Variants in SS18L1 observed in about 807,000 individuals in gnomAD.
SS18L1 encodes the protein calcium-responsive transactivator.
A neutral mutation model predicts 70.3 loss-of-function variants in SS18L1; 32 were observed. The observed-to-expected ratio is 0.46, with a 90% confidence interval of 0.34 to 0.61. SS18L1 has a LOEUF of 0.61. Ranked by LOEUF, SS18L1 falls within the 20% of genes least tolerant of loss-of-function variation. The probability of loss-of-function intolerance (pLI) is 0.01; values close to 1 mark genes in which losing one functional copy is unlikely to be tolerated. For missense variants in SS18L1, 430 were observed against 542.1 expected, an observed-to-expected ratio of 0.79 and a Z score of 2.05; for synonymous variants, 237 against 229.7, an observed-to-expected ratio of 1.03 and a Z score of -0.29.
intron 10 of SS18L1, among the ~76,000 whole-genome samples, chr20:62,176,904 C>T (rs2057629027): frequency 6.6e-6 from 1 of 152,248 alleles, no homozygotes; most frequent in South Asian, 2.1e-4. Flanking sequence ...CTTTAGTCAG[C>T]ATCCAGTGTA....
chr20:62,156,962 G>T (rs1239662885), intron 1 of SS18L1, among the ~76,000 whole-genome samples: 1 of 152,208 alleles, frequency 6.6e-6, no homozygotes, highest in Non-Finnish European at 1.5e-5. Flanking sequence ...AGGCGTGGTG[G>T]GCTCAGTTCT....
At chr20:62,167,418 G>A (rs149423630) in intron 8 of SS18L1, among the ~76,000 whole-genome samples, 7,725 of 150,120 alleles carry the variant, frequency 0.051, 643 homozygotes, top group African/African-American at 0.18. Context: ...AAAAAATGCC[G>A]GGCGTGGTGG....
chr20:62,163,440 C>G lies in SS18L1; in HGVS notation c.557-18C>G. On this transcript the variant is annotated intron_variant, in intron 5 of 10. Transcript: ENST00000331758. The stretch of plus-strand genomic sequence containing the variant: ...GAGGCTTCCCGGGGTGATGTGGGGC[C>G]TCTGTCCTGTCGTTCAGTCTCCATG... 6.2e-7 allele frequency: 1 copy of G among 1,611,642 alleles called. No individual in the cohort carries two copies.
chr20:62,173,754 G>A (rs896563587), intron 9 of SS18L1, among the ~76,000 whole-genome samples: 2 of 152,118 alleles, frequency 1.3e-5, no homozygotes, highest in African/African-American at 4.8e-5. Context: ...GGTGGCTCAT[G>A]TCTATAATCC....
chr20:62,157,159 C>T (rs962664801), intron 1 of SS18L1, among the ~76,000 whole-genome samples: 8 of 152,146 alleles, frequency 5.3e-5, no homozygotes, highest in Non-Finnish European at 1.0e-4. Context: ...CTGTGGGCGT[C>T]CTGTGTGGTG....
At chr20:62,160,059 G>A in intron 3 of SS18L1, 98 bp downstream of exon 3, 1 of 1,312,074 alleles carries the variant, frequency 7.6e-7, no homozygotes, top group Non-Finnish European at 1.0e-6. Context: ...TAGCAAAGAT[G>A]ACTCAGAGAA....
Position 62,161,419 on chromosome 20 carries a change from C to T in SS18L1, c.232-17C>T. 2 of 1,612,840 alleles carry T rather than the reference C, an allele frequency of 1.2e-6. No individual in the cohort carries two copies. The highest frequency in any genetic ancestry group is 1.7e-6 in the Non-Finnish European group (2 of 1,180,004). On this transcript the variant is annotated splice_polypyrimidine_tract_variant and intron_variant, in intron 3 of 10. Coordinates refer to ENST00000331758, the MANE Select transcript of SS18L1 (RefSeq NM_198935.3). The surrounding 1 kb of genome is among the most constrained non-coding windows in gnomAD (Gnocchi z 4.4). ...TAAATTAACCGTTTTTCCCTGAAAA[C>T]TTCCTGTTGCCTGCAGCCGCCCACG...
Position 62,174,594 on chromosome 20 carries a change from C to G in SS18L1, c.1114C>G (p.Pro372Ala). Residue 372 changes from proline (P) to alanine (A), a missense_variant, in exon 10 of 11, where the codon CCG becomes GCG. Physicochemically the swap from Pro to Ala is conservative, Grantham distance 27. Transcript: ENST00000331758. This position sits in a 1 kb window ranked among gnomAD's most constrained non-coding sequence, Gnocchi z 4.1. ...QGQQYGSYRA[P>A]QTAPSAQQQR... ...CCAGCAGTACGGAAGCTACCGAGCA[C>G]CGCAGACAGCGCCGTCTGCCCAGCA... 1 of 1,613,788 alleles carries G rather than the reference C, an allele frequency of 6.2e-7. No homozygotes were observed.
chr20:62,162,774 G>A lies in SS18L1; in HGVS notation c.399G>A (p.Gln133=). 1.2e-6 allele frequency: 2 copies of A among 1,611,306 alleles called. No homozygotes were observed. The highest frequency in any genetic ancestry group is 1.7e-6 in the Non-Finnish European group (2 of 1,178,800). The change falls in exon 5 of 11, where the codon CAG becomes CAA. Residue 133 remains glutamine, a synonymous_variant. Transcript: ENST00000331758. ...IGNGPSHVSM[Q]QTAPNTLPTT... ...CAGGGCCGAGCCACGTGTCCATGCA[G>A]CAGACGGCGCCTAACACGCTGCCCA... is the stretch of plus-strand genomic sequence containing the variant.
chr20:62,174,059 A>T lies in SS18L1; in HGVS notation c.1037-458A>T, dbSNP rs1246872863. Among the ~76,000 whole-genome samples the T allele has an allele frequency of 6.6e-6, 1 of 151,278 alleles. No homozygotes were observed. The highest frequency in any genetic ancestry group is 1.5e-5 in the Non-Finnish European group (1 of 67,924). Reference sequence around the variant, plus strand: ...ATTGGCCTCTATCAGTTCTTGCCGGAGCCTTTGACTTAGCCTTCCTAGAGA... The same window carrying T: ...ATTGGCCTCTATCAGTTCTTGCCGGTGCCTTTGACTTAGCCTTCCTAGAGA... On this transcript the variant is annotated intron_variant, in intron 9 of 10. Transcript: ENST00000331758. This position sits in a 1 kb window ranked among gnomAD's most constrained non-coding sequence, Gnocchi z 4.1.
At position 62,182,482 on chromosome 20, in the gene SS18L1, A is replaced by C. The variant is rs2145809641; in HGVS notation, c.*3274A>C. On this transcript the variant is annotated 3_prime_UTR_variant, in exon 11 of 11. Transcript: ENST00000331758. ...CTCTTAATAAACTGGTTCTTCAAAA[A>C]TCATCCTATAAAGTGAGTTTTCATG... 1 of 187,076 alleles carries C rather than the reference A, an allele frequency of 5.3e-6. No homozygotes were observed. The highest frequency in any genetic ancestry group is 1.9e-4 in the South Asian group (1 of 5,164). The allele number at this position is 187,076 out of a possible 1,614,324, so 11.6% of individuals were successfully genotyped here.
intron 8 of SS18L1, among the ~76,000 whole-genome samples, chr20:62,169,810 C>A (rs1293303597): frequency 6.6e-6 from 1 of 151,790 alleles, no homozygotes; most frequent in Non-Finnish European, 1.5e-5. Flanking sequence ...CATTGGCTGT[C>A]ACAGAAACTG....
At chr20:62,162,697 G>T in intron 4 of SS18L1, 55 bp from the exon 5 acceptor site, 1 of 1,551,668 alleles carries the variant, frequency 6.4e-7, no homozygotes. Context: ...TTCACCTTCA[G>T]AAGTGGTGAC....
chr20:62,164,398 C>G (rs928492048), intron 7 of SS18L1, 152 bp downstream of exon 7: 21 of 809,256 alleles, frequency 2.6e-5, no homozygotes, highest in Non-Finnish European at 4.0e-5. Context: ...GCCAGACGCC[C>G]TGCAGGAGCA....
At chr20:62,175,755 C>G (rs1311598324) in intron 10 of SS18L1, among the ~76,000 whole-genome samples, 2 of 152,326 alleles carry the variant, frequency 1.3e-5, no homozygotes, top group South Asian at 2.1e-4. Context: ...GCTTCTCGTC[C>G]TCCTTCTTCA....
In SS18L1 at chr20:62,159,778, A is replaced by G; in HGVS notation, c.147-99A>G. The G allele has an allele frequency of 8.5e-7, 1 of 1,169,722 alleles. No homozygotes were observed. The highest frequency in any genetic ancestry group is 1.4e-5 in the South Asian group (1 of 70,280). 72.5% of individuals were successfully genotyped at this position (1,169,722 alleles called of 1,614,324 possible). A position where few individuals can be genotyped will look rare whatever the true frequency, so the allele number is the denominator to read the frequency against. On this transcript the variant is annotated intron_variant, in intron 2 of 10. Transcript: ENST00000331758. The surrounding 1 kb of genome is among the most constrained non-coding windows in gnomAD (Gnocchi z 4.4). ...CCATGTCCTCATGGGGTTTGGCTGGATGTCAGGCTGTCTTGTTCACACTTT... is the reference window on the plus strand; with the variant it reads ...CCATGTCCTCATGGGGTTTGGCTGGGTGTCAGGCTGTCTTGTTCACACTTT...
intron 9 of SS18L1, 36 bp downstream of exon 9, chr20:62,172,837 G>A (rs776286086): frequency 1.1e-5 from 18 of 1,601,162 alleles, no homozygotes; most frequent in Middle Eastern, 2.0e-4. Flanking sequence ...GCCCCCCAGC[G>A]CCCACCCCTG....
chr20:62,163,040 C>T, intron 5 of SS18L1, 109 bp downstream of exon 5: 2 of 1,434,324 alleles, frequency 1.4e-6, no homozygotes, highest in Non-Finnish European at 9.5e-7. Flanking sequence ...CTGCTGGGTG[C>T]TGGAGGGGAG....
In SS18L1 at chr20:62,179,656, T is replaced by C. The variant is rs192771582; in HGVS notation, c.*448T>C. On this transcript the variant is annotated 3_prime_UTR_variant, in exon 11 of 11. Transcript: ENST00000331758. Reference sequence around the variant, plus strand: ...GGTTGTCAACTTTTCTTTAACTGGCTACGCCACAGCTGGACACACATGCAG... The same window carrying C: ...GGTTGTCAACTTTTCTTTAACTGGCCACGCCACAGCTGGACACACATGCAG... 1.0e-4 allele frequency: 14 copies of C among 135,294 alleles called. No individual in the cohort carries two copies. In the East Asian group the frequency reaches 3.3e-3, roughly 32 times the overall value. The allele number at this position is 135,294 out of a possible 1,614,324, so 8.4% of individuals were successfully genotyped here. A position where few individuals can be genotyped will look rare whatever the true frequency, so the allele number is the denominator to read the frequency against.
Sources: allele counts gnomAD v4.1 joint callset (sites outside exome capture counted in the v4.1 genomes callset), GRCh38; gene constraint gnomAD v4.1.1; non-coding constraint Gnocchi (gnomAD v3.1); transcripts MANE v1.5; gene names NCBI Gene and HGNC (gene_info 2026-07-23, HGNC 2026-07-21).